Variants in DYNC1LI2 observed in about 807,000 individuals in gnomAD.
The protein encoded by DYNC1LI2 is dynein cytoplasmic 1 light intermediate chain 2, also known as cytoplasmic dynein 1 light intermediate chain 2.
Under a neutral mutation model 57.8 loss-of-function variants are expected in DYNC1LI2, and 19 were observed. The ratio of observed to expected loss-of-function variants is 0.33; its 90% confidence interval spans 0.23 to 0.48. The LOEUF (loss-of-function observed/expected upper bound fraction) is 0.48. DYNC1LI2 is among the 20% of genes least tolerant of loss of function. DYNC1LI2 has a pLI of 0.99. For synonymous variants in DYNC1LI2, 256 were observed against 233.4 expected (o/e 1.10, Z -0.88); for missense variants, 470 against 604.2 (o/e 0.78, Z 2.33).
rs747482221 is a variant in DYNC1LI2 at position 66,736,198 on chromosome 16, T to G, written c.576A>C (p.Gln192His). The change falls in exon 5 of 13, where the codon CAA becomes CAC. Residue 192 changes from glutamine (Q) to histidine (H), a missense_variant. Gln to His is a conservative substitution (Grantham distance 24, BLOSUM62 0). Transcript: ENST00000258198. ...QDYMEPEEGCQGSPQRRGPLT... is the reference protein window; with the variant it reads ...QDYMEPEEGCHGSPQRRGPLT... Reference sequence around the variant, plus strand: ...GAGGGCCTCTTCTCTGTGGGGAACCTTGACAACCTTCTTCAGGTTCCATAT... The same window carrying G: ...GAGGGCCTCTTCTCTGTGGGGAACCGTGACAACCTTCTTCAGGTTCCATAT... 1 of 1,614,116 alleles carries G rather than the reference T, an allele frequency of 6.2e-7. No homozygotes were observed. Among genetic ancestry groups the G allele is most frequent in the Non-Finnish European group, 8.5e-7 (1 of 1,180,028 alleles).
At chr16:66,735,963 C>A in intron 5 of DYNC1LI2, 112 bp downstream of exon 5, 1 of 1,391,468 alleles carries the variant, frequency 7.2e-7, no homozygotes, top group South Asian at 1.4e-5. Flanking sequence ...TAATGAATCT[C>A]AAATAAGCCC....
chr16:66,725,044 C>T (rs559397213), intron 12 of DYNC1LI2, among the ~76,000 whole-genome samples: 112 of 151,810 alleles, frequency 7.4e-4, no homozygotes, highest in African/African-American at 2.7e-3. Flanking sequence ...TGTGGTGGCG[C>T]GTGCCTGTAG....
At chr16:66,747,412 A>G (rs914450213) in intron 3 of DYNC1LI2, among the ~76,000 whole-genome samples, 1 of 152,138 alleles carries the variant, frequency 6.6e-6, no homozygotes, top group African/African-American at 2.4e-5. Context: ...TGGAGATGGT[A>G]GAATTACGGT....
At chr16:66,746,893 C>T (rs1339163583) in intron 3 of DYNC1LI2, among the ~76,000 whole-genome samples, 4 of 152,176 alleles carry the variant, frequency 2.6e-5, no homozygotes, top group Non-Finnish European at 5.9e-5. Flanking sequence ...ACGAGTTCTG[C>T]CTGGCTCCAA....
intron 10 of DYNC1LI2, 193 bp from the exon 11 acceptor site, chr16:66,727,998 C>A: frequency 1.2e-6 from 1 of 855,448 alleles, no homozygotes; most frequent in Non-Finnish European, 1.8e-6. Context: ...AAAGCCAGCT[C>A]ACTCTAATTC....
At chr16:66,746,231 C>G (rs535098975) in intron 3 of DYNC1LI2, among the ~76,000 whole-genome samples, 1 of 152,278 alleles carries the variant, frequency 6.6e-6, no homozygotes, top group South Asian at 2.1e-4. Flanking sequence ...CTGCCCACTA[C>G]ACGTAACTCA....
intron 11 of DYNC1LI2, among the ~76,000 whole-genome samples, chr16:66,727,086 T>G (rs6499097): frequency 0.48 from 73,646 of 151,904 alleles, 18,548 homozygotes; most frequent in East Asian, 0.63. Flanking sequence ...CCCAGCTAAT[T>G]TTTCAATATT....
At chr16:66,736,358 C>CT in intron 4 of DYNC1LI2, 114 bp from the exon 5 acceptor site, 2 of 1,281,846 alleles carry the variant, frequency 1.6e-6, no homozygotes, top group Non-Finnish European at 1.1e-6. Context: ...TTGTGTGTGA[C>CT]AAACTTCTTA....
intron 4 of DYNC1LI2, among the ~76,000 whole-genome samples, chr16:66,737,801 T>C (rs2017762586): frequency 6.6e-6 from 1 of 152,190 alleles, no homozygotes; most frequent in Non-Finnish European, 1.5e-5. Flanking sequence ...GGTCCGAGCC[T>C]CAGTTAAGCC....
chr16:66,729,185 G>T, intron 8 of DYNC1LI2, 86 bp from the exon 9 acceptor site: 1 of 1,469,466 alleles, frequency 6.8e-7, no homozygotes, highest in Non-Finnish European at 9.5e-7. Flanking sequence ...AGAGTCCGAG[G>T]CTCAGGCTTC....
chr16:66,728,945 G>T, intron 9 of DYNC1LI2, 95 bp downstream of exon 9: 1 of 1,308,736 alleles, frequency 7.6e-7, no homozygotes, highest in Non-Finnish European at 1.1e-6. Context: ...CAAGCTCTTT[G>T]TGACTTCCCA....
At chr16:66,729,356 C>G (rs1030874041) in intron 8 of DYNC1LI2, among the ~76,000 whole-genome samples, 1 of 152,098 alleles carries the variant, frequency 6.6e-6, no homozygotes, top group Non-Finnish European at 1.5e-5. Context: ...ATGAGGGGAT[C>G]CAGTAACAGT....
intron 3 of DYNC1LI2, among the ~76,000 whole-genome samples, chr16:66,743,929 T>C (rs906333894): frequency 1.3e-5 from 2 of 152,234 alleles, no homozygotes; most frequent in African/African-American, 2.4e-5. Flanking sequence ...TAAAAAATTC[T>C]TATCTTAGAT....
chr16:66,741,759 G>T (rs921721941), intron 4 of DYNC1LI2, among the ~76,000 whole-genome samples: 7 of 151,896 alleles, frequency 4.6e-5, no homozygotes, highest in Non-Finnish European at 1.0e-4. Flanking sequence ...CTGCACAGAA[G>T]CAAGGGAAAG....
chr16:66,750,353 T>C (rs896559789), intron 2 of DYNC1LI2, among the ~76,000 whole-genome samples: 1 of 152,126 alleles, frequency 6.6e-6, no homozygotes, highest in African/African-American at 2.4e-5. Context: ...TAAAAGCCAT[T>C]TGAAAAATCA....
intron 7 of DYNC1LI2, 80 bp from the exon 8 acceptor site, chr16:66,730,303 G>A: frequency 8.3e-7 from 1 of 1,210,426 alleles, no homozygotes; most frequent in Non-Finnish European, 1.2e-6. Context: ...CAGGACTCCT[G>A]GGTAGGACAC....
chr16:66,742,405 A>C, intron 4 of DYNC1LI2, 33 bp downstream of exon 4: 1 of 1,601,054 alleles, frequency 6.2e-7, no homozygotes, highest in Non-Finnish European at 8.5e-7. Context: ...AGACTCGTGA[A>C]CTTCCCAATT....
chr16:66,727,732 G>A lies in DYNC1LI2; in HGVS notation c.1217C>T (p.Ser406Phe). ...GRGGPASVPS[S>F]SPGTSVKKPD... ...CTTTTTTACTGACGTGCCTGGGGAG[G>A]AGCTAGGCACACTGGCTGGCCCTCC... The change falls in exon 11 of 13, where the codon TCC (serine) becomes TTC (phenylalanine). Residue 406 changes from serine to phenylalanine, a missense_variant. Physicochemically the swap from Ser to Phe is radical, Grantham distance 155. Transcript: ENST00000258198. 6.2e-7 allele frequency: 1 copy of A among 1,614,074 alleles called. No homozygotes were observed. The highest frequency in any genetic ancestry group is 8.5e-7 in the Non-Finnish European group (1 of 1,180,002).
chr16:66,736,638 A>T (rs2017740345), intron 4 of DYNC1LI2, among the ~76,000 whole-genome samples: 1 of 152,120 alleles, frequency 6.6e-6, no homozygotes, highest in Non-Finnish European at 1.5e-5. Context: ...GCTGGGACTA[A>T]AGGCATGTGC....
Sources: gnomAD v4.1 joint callset for allele counts (sites outside exome capture counted in the v4.1 genomes callset) on GRCh38, gnomAD v4.1.1 for gene constraint, MANE v1.5 for transcripts, NCBI Gene and HGNC (gene_info 2026-07-23, HGNC 2026-07-21) for gene names.